BRIX1: variants seen among roughly 807,000 people sequenced by gnomAD.
The protein encoded by BRIX1 is ribosome biogenesis protein BRX1 homolog.
A neutral mutation model predicts 44.0 loss-of-function variants in BRIX1; 15 were observed. The observed-to-expected ratio is 0.34, with a 90% CI of 0.23 to 0.53. The LOEUF (loss-of-function observed/expected upper bound fraction) is 0.53. Ranked by LOEUF, BRIX1 falls within the 20% of genes least tolerant of loss-of-function variation. The probability of loss-of-function intolerance (pLI) is 0.95; values close to 1 mark genes in which losing one functional copy is unlikely to be tolerated. For synonymous variants in BRIX1, 149 were observed against 135.4 expected (o/e 1.10, Z -0.70); for missense variants, 420 against 432.8 (o/e 0.97, Z 0.26).
rs371614532 is a variant in BRIX1 at position 34,923,087 on chromosome 5, A to G, written c.561+36A>G. 27 of 1,561,308 alleles carry G rather than the reference A, an allele frequency of 1.7e-5. No homozygotes were observed. In the African/African-American group the frequency reaches 3.4e-4, roughly 20 times the overall value. On this transcript the variant is annotated intron_variant, in intron 7 of 9. Transcript: ENST00000336767. ...TTAAAATTAGCTATCCAAAATATAC[A>G]TGATATATCTTGGAATAAGGAACTA...
At chr5:34,920,011 T>G in intron 3 of BRIX1, 128 bp downstream of exon 3, 3 of 497,292 alleles carry the variant, frequency 6.0e-6, no homozygotes, top group Non-Finnish European at 7.3e-6. Flanking sequence ...TTATTAACTC[T>G]TCAATAACTG....
At chr5:34,919,975 T>C in intron 3 of BRIX1, 92 bp downstream of exon 3, 1 of 572,200 alleles carries the variant, frequency 1.7e-6, no homozygotes, top group Non-Finnish European at 3.1e-6. Flanking sequence ...TTAAAAATTA[T>C]TTTGTAAAAA....
intron 3 of BRIX1, chr5:34,920,548 C>T (rs920630351): frequency 1.3e-5 from 2 of 152,228 alleles, no homozygotes; most frequent in African/African-American, 4.8e-5. Flanking sequence ...ATGTCCCTGT[C>T]ATTATGGAAC....
At position 34,925,609 on chromosome 5, in the gene BRIX1, G is replaced by T; in HGVS notation, c.*114G>T. ...CGTCTAATTAGTGTAGCATTTACAA[G>T]AAAGAAAAATTAAGATCTTAAAATC... On this transcript the variant is annotated 3_prime_UTR_variant, in exon 10 of 10. Coordinates refer to ENST00000336767, the MANE Select transcript of BRIX1 (RefSeq NM_018321.4). 1.2e-6 allele frequency: 1 copy of T among 866,484 alleles called. No individual in the cohort carries two copies. Among genetic ancestry groups the T allele is most frequent in the East Asian group, 2.9e-5 (1 of 34,650 alleles). The allele number at this position is 866,484 out of a possible 1,614,324, so 53.7% of individuals were successfully genotyped here.
In BRIX1 at chr5:34,919,865, G is replaced by T; in HGVS notation, c.297G>T (p.Lys99Asn). 8.4e-7 allele frequency: 1 copy of T among 1,196,366 alleles called. No homozygotes were observed. Among genetic ancestry groups the T allele is most frequent in the Admixed American group, 2.1e-5 (1 of 46,932 alleles). The allele number at this position is 1,196,366 out of a possible 1,614,324, so 74.1% of individuals were successfully genotyped here. Residue 99 changes from lysine to asparagine, a missense_variant, in exon 3 of 10, where the codon AAG (lysine) becomes AAT (asparagine). By Grantham distance (94) the Lys-to-Asn change is moderately conservative. Transcript: ENST00000336767. The part of the protein sequence containing the change: ...KADTKMDRKD[K>N]LFVINEVCEM... ...ATACTAAAATGGATCGTAAGGATAA[G>T]CTATTTGTGATTAACGAGGTAATTT...
intron 3 of BRIX1, chr5:34,920,632 A>G (rs879012103): frequency 6.6e-6 from 1 of 152,228 alleles, no homozygotes; most frequent in Admixed American, 6.5e-5. Context: ...AAAGCAGGTT[A>G]TAGGTTTTGG....
chr5:34,915,724 G>A lies in BRIX1; in HGVS notation c.-15G>A. 6.3e-7 allele frequency: 1 copy of A among 1,592,782 alleles called. No individual in the cohort carries two copies. Among genetic ancestry groups the A allele is most frequent in the Middle Eastern group, 1.8e-4 (1 of 5,666 alleles). ...GCGCCGGAAAGGAGGCCAAGAGCGC[G>A]GGCGGCGAGGCAAGATGGCGGCAAC... On this transcript the variant is annotated 5_prime_UTR_variant, in exon 1 of 10. Transcript: ENST00000336767.
rs1016060763 is a variant in BRIX1, at chr5:34,923,478, A to G, written c.663+244A>G. On this transcript the variant is annotated intron_variant, in intron 8 of 9. Coordinates refer to ENST00000336767, the MANE Select transcript of BRIX1 (RefSeq NM_018321.4). Reference sequence around the variant, plus strand: ...GTTTTAGTAGAGACGGGGTTTCGCCATGTTGGCCAGGCTGGTCTCAAACTC... The same window carrying G: ...GTTTTAGTAGAGACGGGGTTTCGCCGTGTTGGCCAGGCTGGTCTCAAACTC... 1.3e-4 allele frequency: 58 copies of G among 455,622 alleles called. 2 individuals are homozygous for G. The highest frequency in any genetic ancestry group is 2.0e-5 in the Non-Finnish European group (5 of 250,140). The allele number at this position is 455,622 out of a possible 1,614,324, so 28.2% of individuals were successfully genotyped here. A position where few individuals can be genotyped will look rare whatever the true frequency, so the allele number is the denominator to read the frequency against.
chr5:34,918,505 T>A, intron 2 of BRIX1, 30 bp downstream of exon 2: 2 of 1,267,526 alleles, frequency 1.6e-6, no homozygotes, highest in Non-Finnish European at 2.2e-6. Flanking sequence ...TTTAGAAATT[T>A]CTATCTATAA....
In BRIX1 at chr5:34,924,866, C is replaced by A; in HGVS notation, c.683C>A (p.Ala228Asp). ...TTAAAGATCATAGAAGAAGATGCTG[C>A]TCTTGTAGAAATAGGACCTCGTTTT... The part of the protein sequence containing the change: ...RNFQIIEEDA[A>D]LVEIGPRFVL... Residue 228 changes from alanine (A) to aspartate (D), a missense_variant, in exon 9 of 10, where the codon GCT becomes GAT. Ala to Asp is a moderately radical substitution (Grantham distance 126). Transcript: ENST00000336767. 6.2e-7 allele frequency: 1 copy of A among 1,605,030 alleles called. No homozygotes were observed. The highest frequency in any genetic ancestry group is 8.5e-7 in the Non-Finnish European group (1 of 1,172,038).
intron 3 of BRIX1, chr5:34,922,002 C>G: frequency 3.2e-6 from 1 of 309,222 alleles, no homozygotes; most frequent in Non-Finnish European, 5.9e-6. Context: ...ATAATTTCAC[C>G]CAAGATATGG....
At chr5:34,924,642 A>T (rs553854538) in intron 8 of BRIX1, among the ~76,000 whole-genome samples, 3 of 152,344 alleles carry the variant, frequency 2.0e-5, no homozygotes, top group Admixed American at 2.0e-4. Context: ...GAACTCACTG[A>T]AAAAACATTT....
chr5:34,924,788 G>A, intron 8 of BRIX1, 59 bp from the exon 9 acceptor site: 4 of 1,193,422 alleles, frequency 3.4e-6, no homozygotes, highest in East Asian at 4.7e-5. Context: ...GTTATAGCCA[G>A]TATACCTTTT....
rs1423818474 is a variant in BRIX1 at position 34,923,150 on chromosome 5, G to T, written c.579G>T (p.Arg193=). 1 of 1,613,748 alleles carries T rather than the reference G, an allele frequency of 6.2e-7. No homozygotes were observed. The highest frequency in any genetic ancestry group is 8.5e-7 in the Non-Finnish European group (1 of 1,179,702). ...TTAACTAGATCTTTAGTACACCACG[G>T]TATCATCCCAAAAGCCAACCATTTG... ...ELLIQIFSTP[R]YHPKSQPFVD... Residue 193 remains arginine, a synonymous_variant, in exon 8 of 10, where the codon CGG becomes CGT. Transcript: ENST00000336767.
chr5:34,923,138 T>C lies in BRIX1; in HGVS notation c.567T>C (p.Phe189=), dbSNP rs768134749. ...ALLKELLIQI[F]STPRYHPKSQ... ...ACATACACTTTTTTAACTAGATCTT[T>C]AGTACACCACGGTATCATCCCAAAA... Residue 189 remains phenylalanine, a synonymous_variant, in exon 8 of 10, where the codon TTT becomes TTC. Transcript: ENST00000336767. 1.2e-6 allele frequency: 2 copies of C among 1,612,926 alleles called. No homozygotes were observed. Among genetic ancestry groups the C allele is most frequent in the Non-Finnish European group, 1.7e-6 (2 of 1,178,862 alleles).
In BRIX1 at chr5:34,917,102, T is replaced by G. The variant is rs553657806; in HGVS notation, c.159+1205T>G. ...GCTGCATATCAGAGGAAGTGTAGAA[T>G]TTTGACATTCAAAAAATGAGAGGGA... On this transcript the variant is annotated intron_variant, in intron 1 of 9. Coordinates refer to ENST00000336767, the MANE Select transcript of BRIX1 (RefSeq NM_018321.4). Among the ~76,000 whole-genome samples, 6 of 152,134 alleles carry G rather than the reference T, an allele frequency of 3.9e-5. No individual in the cohort carries two copies. The South Asian group carries it at 1.2e-3, about 32-fold the overall frequency.
At chr5:34,919,805 A>C in intron 2 of BRIX1, 35 bp from the exon 3 acceptor site, 1 of 719,048 alleles carries the variant, frequency 1.4e-6, no homozygotes, top group Non-Finnish European at 2.2e-6. Flanking sequence ...AATCACCTTT[A>C]ATTTACTTGC....
At chr5:34,922,413 G>T in intron 4 of BRIX1, 126 bp downstream of exon 4, 1 of 889,064 alleles carries the variant, frequency 1.1e-6, no homozygotes, top group South Asian at 1.7e-5. Context: ...TTGATTTCAC[G>T]AAACTTGATA....
rs1764366477 is a variant in BRIX1 at position 34,925,815 on chromosome 5, GCATT to G, written c.*323_*326del. On this transcript the variant is annotated 3_prime_UTR_variant, in exon 10 of 10. Transcript: ENST00000336767. ...TTATTAGGTCATATTATTTGTAAAAGCATTCAACACTTCAAGAGCATCGGTTGTG... is the reference window on the plus strand; with the variant it reads ...TTATTAGGTCATATTATTTGTAAAAGCAACACTTCAAGAGCATCGGTTGTG... The G allele has an allele frequency of 1.8e-5, 4 of 220,748 alleles. No individual in the cohort carries two copies. The South Asian group carries it at 3.5e-4, about 19-fold the overall frequency. The allele number at this position is 220,748 out of a possible 1,614,324, so 13.7% of individuals were successfully genotyped here.
Sources: allele counts gnomAD v4.1 joint callset (sites outside exome capture counted in the v4.1 genomes callset), GRCh38; gene constraint gnomAD v4.1.1; transcripts MANE v1.5; gene names NCBI Gene and HGNC (gene_info 2026-07-23, HGNC 2026-07-21).